MAPKAPK5: variants seen among roughly 807,000 people sequenced by gnomAD.
MAPKAPK5 encodes MAPK activated protein kinase 5.
A neutral mutation model predicts 65.1 loss-of-function variants in MAPKAPK5; 30 were observed. That is an observed-to-expected ratio of 0.46 (90% CI 0.34 to 0.63). MAPKAPK5 has a LOEUF of 0.63. MAPKAPK5 is among the 20% of genes least tolerant of loss of function. The pLI is 0.01. For synonymous variants in MAPKAPK5, 179 were observed against 204.6 expected (o/e 0.87, Z 1.07); for missense variants, 433 against 581.4 (o/e 0.74, Z 2.63).
intron 6 of MAPKAPK5, among the ~76,000 whole-genome samples, 177 bp from the exon 7 acceptor site, chr12:111,870,908 A>T (rs1261420580): frequency 6.6e-6 from 1 of 152,160 alleles, no homozygotes; most frequent in Non-Finnish European, 1.5e-5. Context: ...ATTACTAAGG[A>T]CAGTTCCTCA....
rs544378594 is a variant in MAPKAPK5, at chr12:111,865,565, C to T, written c.110+242C>T. 7.2e-5 allele frequency among the ~76,000 whole-genome samples: 11 copies of T among 152,148 alleles called. No homozygotes were observed. The South Asian group carries it at 8.3e-4, about 11-fold the overall frequency. On this transcript the variant is annotated intron_variant, in intron 2 of 13. Transcript: ENST00000550735. ...TTAAGATGTCGAGACTGGCCAGGCGCGGTGGCTCATGCCTGTTATCCCAGA... is the reference window on the plus strand; with the variant it reads ...TTAAGATGTCGAGACTGGCCAGGCGTGGTGGCTCATGCCTGTTATCCCAGA...
chr12:111,877,949 C>T (rs571751309), intron 7 of MAPKAPK5, among the ~76,000 whole-genome samples: 5 of 152,026 alleles, frequency 3.3e-5, no homozygotes, highest in Admixed American at 3.3e-4. Context: ...GCCTCAGCCT[C>T]CTAACTTGCT....
chr12:111,876,912 A>G (rs1306655273), intron 7 of MAPKAPK5, among the ~76,000 whole-genome samples: 1 of 151,512 alleles, frequency 6.6e-6, no homozygotes, highest in Non-Finnish European at 1.5e-5. Context: ...ACAGTGTACA[A>G]AGGCTCCCTT....
At chr12:111,845,757 T>C (rs1169233131) in intron 1 of MAPKAPK5, among the ~76,000 whole-genome samples, 2 of 151,970 alleles carry the variant, frequency 1.3e-5, no homozygotes, top group Non-Finnish European at 2.9e-5. Context: ...CCCCCGTCTC[T>C]ACTAAAAATA....
chr12:111,881,970 G>T (rs1038122769), intron 8 of MAPKAPK5, among the ~76,000 whole-genome samples: 1 of 152,188 alleles, frequency 6.6e-6, no homozygotes, highest in Non-Finnish European at 1.5e-5. Flanking sequence ...TGCAGTATTA[G>T]TTCCCTTTCT....
intron 1 of MAPKAPK5, chr12:111,843,186 C>T: frequency 1.5e-5 from 6 of 398,630 alleles, no homozygotes; most frequent in South Asian, 1.3e-4. Context: ...TGAAATCAGC[C>T]TTCTGGAAAT....
intron 1 of MAPKAPK5, among the ~76,000 whole-genome samples, chr12:111,846,818 A>G (rs2068920175): frequency 1.3e-5 from 2 of 152,066 alleles, no homozygotes; most frequent in Middle Eastern, 3.2e-3. Flanking sequence ...CAAATTAAGC[A>G]CTATTCTTTG....
At chr12:111,880,315 T>C (rs949471771) in intron 7 of MAPKAPK5, 132 bp from the exon 8 acceptor site, 8 of 724,268 alleles carry the variant, frequency 1.1e-5, no homozygotes, top group Non-Finnish European at 1.7e-5. Flanking sequence ...GTGTAGTGTT[T>C]ATGTGGAGTT....
Position 111,900,068 on chromosome 12 carries a change from C to T in MAPKAPK5, c.*7007C>T, listed in dbSNP as rs1421241778. Reference sequence around the variant, plus strand: ...ATGTCATTGCTCTGGCCAACAGCTTCACTAGGGGAATAAACACAGAGGTGG... The same window carrying T: ...ATGTCATTGCTCTGGCCAACAGCTTTACTAGGGGAATAAACACAGAGGTGG... On this transcript the variant is annotated 3_prime_UTR_variant, in exon 14 of 14. Coordinates refer to ENST00000550735, the MANE Select transcript of MAPKAPK5 (RefSeq NM_003668.4). The T allele has an allele frequency of 2.2e-6, 1 of 456,058 alleles. No homozygotes were observed. The highest frequency in any genetic ancestry group is 4.4e-6 in the Non-Finnish European group (1 of 226,806). 28.3% of individuals were successfully genotyped at this position (456,058 alleles called of 1,614,324 possible).
rs193284234 is a variant in MAPKAPK5, at chr12:111,901,837, T to G, written c.*8776T>G. On this transcript the variant is annotated 3_prime_UTR_variant, in exon 14 of 14. Coordinates refer to ENST00000550735, the MANE Select transcript of MAPKAPK5 (RefSeq NM_003668.4). ...AGATATACTGATGTAGAAGGAAGGA[T>G]TCTTTCACTTTTATTATTTATTTTG... 1.3e-5 allele frequency: 2 copies of G among 154,486 alleles called. No homozygotes were observed. Among genetic ancestry groups the G allele is most frequent in the African/African-American group, 4.8e-5 (2 of 41,590 alleles). The allele number at this position is 154,486 out of a possible 1,614,324, so 9.6% of individuals were successfully genotyped here.
chr12:111,877,470 G>A (rs1433907658), intron 7 of MAPKAPK5, among the ~76,000 whole-genome samples: 1 of 152,058 alleles, frequency 6.6e-6, no homozygotes, highest in Admixed American at 6.6e-5. Flanking sequence ...TGTATATGTA[G>A]TGGTATTTCT....
chr12:111,865,282 T>C lies in MAPKAPK5; in HGVS notation c.69T>C (p.Asn23=), dbSNP rs2069563008. 3 of 1,591,556 alleles carry C rather than the reference T, an allele frequency of 1.9e-6. No individual in the cohort carries two copies. The highest frequency in any genetic ancestry group is 1.6e-4 in the Middle Eastern group (1 of 6,062). Residue 23 remains asparagine, a synonymous_variant, in exon 2 of 14, where the codon AAT becomes AAC. Transcript: ENST00000550735. ...ETSILEEYSI[N]WTQKLGAGIS... Reference sequence around the variant, plus strand: ...CCATTTTAGAAGAATACAGTATCAATTGGACTCAGAAGCTGGGAGCTGGAA... The same window carrying C: ...CCATTTTAGAAGAATACAGTATCAACTGGACTCAGAAGCTGGGAGCTGGAA...
chr12:111,878,954 C>T (rs2070095372), intron 7 of MAPKAPK5, among the ~76,000 whole-genome samples: 1 of 152,142 alleles, frequency 6.6e-6, no homozygotes, highest in African/African-American at 2.4e-5. Context: ...TAGCGTTGGC[C>T]CTCCACCTTT....
Position 111,900,187 on chromosome 12 carries a change from A to G in MAPKAPK5, c.*7126A>G, listed in dbSNP as rs1168475340. 3 of 455,804 alleles carry G rather than the reference A, an allele frequency of 6.6e-6. No homozygotes were observed. The highest frequency in any genetic ancestry group is 1.6e-5 in the South Asian group (1 of 64,488). The allele number at this position is 455,804 out of a possible 1,614,324, so 28.2% of individuals were successfully genotyped here. On this transcript the variant is annotated 3_prime_UTR_variant, in exon 14 of 14. Transcript: ENST00000550735. ...CTCAGGAATTTCAATCACTGGAGAC[A>G]AGAGATGCTCTTCCATCGTGCAAAA...
intron 4 of MAPKAPK5, 149 bp downstream of exon 4, chr12:111,867,818 C>A (rs1043527888): frequency 1.2e-5 from 8 of 646,126 alleles, no homozygotes; most frequent in Non-Finnish European, 2.2e-5. Flanking sequence ...CTCCATCTCC[C>A]TTTTTGTAAT....
intron 1 of MAPKAPK5, 53 bp from the exon 2 acceptor site, chr12:111,865,197 G>T: frequency 4.3e-6 from 5 of 1,172,994 alleles, no homozygotes; most frequent in African/African-American, 1.5e-5. Context: ...TGCTTATTCA[G>T]TTTGTTAACT....
intron 1 of MAPKAPK5, among the ~76,000 whole-genome samples, chr12:111,850,606 TGAG>T (rs1352877550): frequency 6.6e-6 from 1 of 152,076 alleles, no homozygotes; most frequent in Non-Finnish European, 1.5e-5. Context: ...AGAAAATCAT[TGAG>T]GAGAAAGGAT....
chr12:111,871,023 G>T, intron 6 of MAPKAPK5, 62 bp from the exon 7 acceptor site: 2 of 1,276,978 alleles, frequency 1.6e-6, no homozygotes, highest in Non-Finnish European at 2.2e-6. Context: ...CTTACACCTG[G>T]ATTTTCCTTT....
intron 9 of MAPKAPK5, among the ~76,000 whole-genome samples, chr12:111,884,285 A>G (rs1250281287): frequency 2.0e-5 from 3 of 152,170 alleles, no homozygotes; most frequent in African/African-American, 7.2e-5. Flanking sequence ...ATCTTGGCTC[A>G]CTGCAACCTC....
Sources: allele counts gnomAD v4.1 joint callset (sites outside exome capture counted in the v4.1 genomes callset), GRCh38; gene constraint gnomAD v4.1.1; transcripts MANE v1.5; gene names NCBI Gene and HGNC (gene_info 2026-07-23, HGNC 2026-07-21).